Variants in TMEM178B observed in about 807,000 individuals in gnomAD.
TMEM178B encodes the protein transmembrane protein 178B.
In TMEM178B, 5 loss-of-function variants were observed where a neutral mutation model predicts 31.0. The ratio of observed to expected loss-of-function variants is 0.16; its 90% confidence interval spans 0.08 to 0.34. TMEM178B has a LOEUF of 0.34. Among genes scored for constraint, TMEM178B ranks in the 10% least tolerant of loss-of-function variants. The pLI is 1.00. For missense variants in TMEM178B, 275 were observed against 400.3 expected, an observed-to-expected ratio of 0.69 and a Z score of 2.67; for synonymous variants, 164 against 164.0, an observed-to-expected ratio of 1.00 and a Z score of 0.00.
At chr7:141,285,219 C>A (rs1458098990) in intron 2 of TMEM178B, among the ~76,000 whole-genome samples, 1 of 126,732 alleles carries the variant, frequency 7.9e-6, no homozygotes, top group African/African-American at 2.9e-5. Context: ...GGCATGATCT[C>A]GGCTCACTTC....
chr7:141,462,861 A>G (rs1802082782), intron 3 of TMEM178B, among the ~76,000 whole-genome samples: 1 of 151,694 alleles, frequency 6.6e-6, no homozygotes, highest in Non-Finnish European at 1.5e-5. Context: ...CCAGGTGTTG[A>G]CAAGGGCTCA....
chr7:141,216,858 G>A (rs995777469), intron 2 of TMEM178B, among the ~76,000 whole-genome samples: 7 of 152,142 alleles, frequency 4.6e-5, no homozygotes, highest in East Asian at 3.9e-4. Context: ...AGTGCAAAGC[G>A]AGGTAGAACG....
chr7:141,508,528 C>A, the TMEM178B span, among the ~76,000 whole-genome samples: 2 of 152,182 alleles, frequency 1.3e-5, no homozygotes, highest in African/African-American at 4.8e-5. Context: ...TCTACTGGTA[C>A]CAATTTACTG....
intron 2 of TMEM178B, among the ~76,000 whole-genome samples, chr7:141,234,965 T>C (rs1462771473): frequency 6.6e-6 from 1 of 152,148 alleles, no homozygotes; most frequent in South Asian, 2.1e-4. Context: ...TTCAAATGAG[T>C]TGGCACTCTC....
At chr7:141,356,777 T>C (rs751650942) in intron 2 of TMEM178B, among the ~76,000 whole-genome samples, 15 of 151,904 alleles carry the variant, frequency 9.9e-5, no homozygotes, top group Admixed American at 2.0e-4. Flanking sequence ...CCTCAGAACT[T>C]GACTACCTTT....
Position 141,471,761 on chromosome 7 carries a change from C to T in TMEM178B, c.*975C>T, listed in dbSNP as rs988398136. On this transcript the variant is annotated 3_prime_UTR_variant, in exon 4 of 4. Transcript: ENST00000565468. This position sits in a 1 kb window ranked among gnomAD's most constrained non-coding sequence, Gnocchi z 4.1. ...GGTGCCAATTCTGCAGCTACAGATC[C>T]CTGGAGTGGTGTGTGTGTGCGTGTG... 1.4e-5 allele frequency: 2 copies of T among 143,166 alleles called. No individual in the cohort carries two copies. Among genetic ancestry groups the T allele is most frequent in the African/African-American group, 2.6e-5 (1 of 37,746 alleles). 8.9% of individuals were successfully genotyped at this position (143,166 alleles called of 1,614,324 possible). A position where few individuals can be genotyped will look rare whatever the true frequency, so the allele number is the denominator to read the frequency against.
chr7:141,135,634 T>C (rs1178450000), intron 1 of TMEM178B, among the ~76,000 whole-genome samples: 1 of 152,174 alleles, frequency 6.6e-6, no homozygotes, highest in Admixed American at 6.5e-5. Flanking sequence ...GAACAACCAT[T>C]GGACCAGTGA....
intron 2 of TMEM178B, among the ~76,000 whole-genome samples, chr7:141,283,056 C>T (rs376496531): frequency 2.0e-5 from 3 of 152,142 alleles, no homozygotes; most frequent in African/African-American, 4.8e-5. Context: ...TTACTATCCC[C>T]GTTTTGGCAC....
At chr7:141,443,966 C>G (rs972709902) in intron 3 of TMEM178B, among the ~76,000 whole-genome samples, 1 of 152,162 alleles carries the variant, frequency 6.6e-6, no homozygotes, top group Admixed American at 6.5e-5. Flanking sequence ...TCTGTTGGCT[C>G]CTGTGCCTGT....
intron 1 of TMEM178B, among the ~76,000 whole-genome samples, chr7:141,165,733 TTGAC>T (rs1281159184): frequency 3.3e-5 from 5 of 152,220 alleles, no homozygotes; most frequent in African/African-American, 1.2e-4. Context: ...GTGAAGAGCT[TTGAC>T]TGGGGTCAGG....
chr7:141,389,837 G>T (rs751822364), intron 2 of TMEM178B, among the ~76,000 whole-genome samples: 10 of 152,194 alleles, frequency 6.6e-5, no homozygotes, highest in Non-Finnish European at 1.0e-4. Flanking sequence ...GCTGTTCCTA[G>T]TGACCCCGGT....
chr7:141,149,658 G>A (rs546186715), intron 1 of TMEM178B, among the ~76,000 whole-genome samples: 6 of 152,224 alleles, frequency 3.9e-5, no homozygotes. Flanking sequence ...AGGGAAATTT[G>A]GACTCAGATA....
chr7:141,400,070 C>T (rs561396624), intron 2 of TMEM178B, among the ~76,000 whole-genome samples: 47 of 152,252 alleles, frequency 3.1e-4, no homozygotes, highest in African/African-American at 1.1e-3. Context: ...TCCAGGAGCC[C>T]ATGGGTACAG....
At chr7:141,453,053 G>A (rs1801898283) in intron 3 of TMEM178B, among the ~76,000 whole-genome samples, 1 of 152,352 alleles carries the variant, frequency 6.6e-6, no homozygotes, top group African/African-American at 2.4e-5. Context: ...TGTTGTCAAG[G>A]CTCAACTTAC....
chr7:141,272,977 T>C (rs751624110), intron 2 of TMEM178B, among the ~76,000 whole-genome samples: 24 of 152,156 alleles, frequency 1.6e-4, no homozygotes, highest in Non-Finnish European at 2.9e-4. Flanking sequence ...CCTCTGTCCA[T>C]CAATGCATGA....
intron 2 of TMEM178B, among the ~76,000 whole-genome samples, chr7:141,265,122 C>T (rs191452837): frequency 2.6e-5 from 4 of 152,336 alleles, no homozygotes; most frequent in East Asian, 1.9e-4. Context: ...CTATACTCAA[C>T]CTGTTACAAG....
chr7:141,352,973 T>C (rs756095714), intron 2 of TMEM178B, among the ~76,000 whole-genome samples: 1 of 152,174 alleles, frequency 6.6e-6, no homozygotes, highest in Non-Finnish European at 1.5e-5. Context: ...TCTTGAGGCA[T>C]TCACAGTTGT....
chr7:141,219,741 C>T (rs1563121916), intron 2 of TMEM178B, among the ~76,000 whole-genome samples: 1 of 152,148 alleles, frequency 6.6e-6, no homozygotes, highest in Non-Finnish European at 1.5e-5. Context: ...GAACACAAAC[C>T]CCTTAATGTG....
At position 141,095,276 on chromosome 7, in the gene TMEM178B, G is replaced by T. The variant is rs140850296; in HGVS notation, c.382+20584G>T. On this transcript the variant is annotated intron_variant, in intron 1 of 3. Transcript: ENST00000565468. ...TCCCCATTGCCTTCTACTCAGAAACGGTGGGATACTAGTTTCCAATTTGGA... is the reference window on the plus strand; with the variant it reads ...TCCCCATTGCCTTCTACTCAGAAACTGTGGGATACTAGTTTCCAATTTGGA... Among the ~76,000 whole-genome samples the T allele has an allele frequency of 2.7e-3, 406 of 152,224 alleles. 2 individuals carry two copies. Among genetic ancestry groups the T allele is most frequent in the African/African-American group, 9.2e-3 (383 of 41,518 alleles).
Sources: gnomAD v4.1 joint callset for allele counts (sites outside exome capture counted in the v4.1 genomes callset) on GRCh38, gnomAD v4.1.1 for gene constraint, Gnocchi (gnomAD v3.1) non-coding constraint, MANE v1.5 for transcripts, NCBI Gene and HGNC (gene_info 2026-07-23, HGNC 2026-07-21) for gene names.